Variants in HSPA4 observed in about 807,000 individuals in gnomAD.
HSPA4 encodes the protein heat shock protein family A (Hsp70) member 4.
A neutral mutation model predicts 106.2 loss-of-function variants in HSPA4; 25 were observed. The ratio of observed to expected loss-of-function variants is 0.24; its 90% CI spans 0.17 to 0.33. The LOEUF is 0.33. HSPA4 is among the 10% of genes least tolerant of loss of function. The probability of loss-of-function intolerance (pLI) is 1.00; values close to 1 mark genes in which losing one functional copy is unlikely to be tolerated. For missense variants in HSPA4, 841 were observed against 996.0 expected (o/e 0.84, Z 2.10); for synonymous variants, 332 against 333.6 (o/e 1.00, Z 0.05).
chr5:133,098,719 C>T (rs68187345), intron 15 of HSPA4, among the ~76,000 whole-genome samples: 9,101 of 152,004 alleles, frequency 0.06, 791 homozygotes, highest in East Asian at 0.29. Flanking sequence ...ATTGCCCAGG[C>T]TGGAGTACAG....
rs1765724268 is a variant in HSPA4, at chr5:133,097,262, A to C, written c.1905A>C (p.Glu635Asp). ...AAATGAGAGACAAGCTTAGTGGTGA[A>C]TATGAGAAGTTTGTGAGTGAAGATG... ...VYEMRDKLSG[E>D]YEKFVSEDDR... is the part of the protein sequence containing the mutation. Residue 635 changes from glutamate (E) to aspartate (D), a missense_variant, in exon 15 of 19, where the codon GAA becomes GAC. Coordinates refer to ENST00000304858, the MANE Select transcript of HSPA4 (RefSeq NM_002154.4). 2 of 1,613,004 alleles carry C rather than the reference A, an allele frequency of 1.2e-6. No individual in the cohort carries two copies. Among genetic ancestry groups the C allele is most frequent in the Non-Finnish European group, 1.7e-6 (2 of 1,179,176 alleles).
intron 8 of HSPA4, 24 bp from the exon 9 acceptor site, chr5:133,088,380 A>G (rs1341697924): frequency 2.7e-6 from 4 of 1,504,294 alleles, no homozygotes; most frequent in South Asian, 1.2e-5. Flanking sequence ...CATTAAAAAA[A>G]TCTGTCTAAT....
At chr5:133,082,209 C>T (rs1765521497) in intron 7 of HSPA4, among the ~76,000 whole-genome samples, 1 of 152,080 alleles carries the variant, frequency 6.6e-6, no homozygotes, top group Non-Finnish European at 1.5e-5. Flanking sequence ...ATGAAATGCC[C>T]CGAATTGGCA....
chr5:133,054,494 G>A (rs1161773466), intron 1 of HSPA4, among the ~76,000 whole-genome samples: 1 of 152,112 alleles, frequency 6.6e-6, no homozygotes, highest in Non-Finnish European at 1.5e-5. Context: ...GTGAGCCACC[G>A]CACCTGGCAC....
intron 1 of HSPA4, among the ~76,000 whole-genome samples, chr5:133,060,394 G>A (rs1765226093): frequency 6.6e-6 from 1 of 150,626 alleles, no homozygotes; most frequent in African/African-American, 2.4e-5. Context: ...GACGGAGTTC[G>A]CTCTGTCGCC....
intron 15 of HSPA4, among the ~76,000 whole-genome samples, chr5:133,098,746 C>G (rs1426085651): frequency 6.6e-6 from 1 of 152,044 alleles, no homozygotes; most frequent in Non-Finnish European, 1.5e-5. Context: ...GATCTTGGCT[C>G]ACTGCAACCT....
intron 1 of HSPA4, among the ~76,000 whole-genome samples, chr5:133,053,405 G>T (rs1765109430): frequency 6.7e-6 from 1 of 148,230 alleles, no homozygotes; most frequent in Non-Finnish European, 1.5e-5. Context: ...GCAGTGGTGC[G>T]ATCTTGGTTC....
At position 133,101,771 on chromosome 5, in the gene HSPA4, C is replaced by G; in HGVS notation, c.2050C>G (p.Pro684Ala). The G allele has an allele frequency of 6.2e-7, 1 of 1,610,812 alleles. No individual in the cohort carries two copies. The highest frequency in any genetic ancestry group is 1.1e-5 in the South Asian group (1 of 89,912). The change falls in exon 17 of 19, where the codon CCT (proline) becomes GCT (alanine). Residue 684 changes from proline (P) to alanine (A), a missense_variant. By Grantham distance (27) the Pro-to-Ala change is conservative (BLOSUM62 -1). Transcript: ENST00000304858. ...TTCTTCTGTTAAGAATCTAGGTCAACCTATTAAGATACGTTTCCAGGAATC... is the reference window on the plus strand; with the variant it reads ...TTCTTCTGTTAAGAATCTAGGTCAAGCTATTAAGATACGTTTCCAGGAATC... ...KLAELKNLGQ[P>A]IKIRFQESEE...
intron 3 of HSPA4, 135 bp from the exon 4 acceptor site, chr5:133,070,239 C>CTT (rs113739155): frequency 5.7e-3 from 3,873 of 677,532 alleles, no homozygotes; most frequent in Middle Eastern, 8.6e-3. Flanking sequence ...CGAAAACTAG[C>CTT]TTTTTTTTTT....
Position 133,106,125 on chromosome 5 carries a change from T to TGG in HSPA4, c.*1689_*1690insGG, listed in dbSNP as rs1281039975. The TGG allele has an allele frequency of 9.3e-4, 76 of 81,824 alleles. 2 individuals carry two copies. Among genetic ancestry groups the TGG allele is most frequent in the African/African-American group, 1.7e-3 (27 of 16,020 alleles). The allele number at this position is 81,824 out of a possible 1,614,324, so 5.1% of individuals were successfully genotyped here. On this transcript the variant is annotated 3_prime_UTR_variant, in exon 19 of 19. Coordinates refer to ENST00000304858, the MANE Select transcript of HSPA4 (RefSeq NM_002154.4). ...AAATTTTTTTTTTTTTTTTTTTTTT[T>TGG]TTTTTTTTTTTTTTTGGTGTGTGTG...
intron 17 of HSPA4, among the ~76,000 whole-genome samples, chr5:133,102,700 TTGAA>T (rs1355431321): frequency 2.0e-5 from 3 of 152,098 alleles, no homozygotes; most frequent in Non-Finnish European, 4.4e-5. Flanking sequence ...GTAAGAAACT[TTGAA>T]TGATAAATTG....
chr5:133,070,461 G>A lies in HSPA4; in HGVS notation c.394G>A (p.Val132Ile), dbSNP rs141065839. Reference sequence around the variant, plus strand: ...CAAACTGAAGGAGACAGCCGAAAGTGTTCTTAAGAAGCCTGTAGTTGACTG... The same window carrying A: ...CAAACTGAAGGAGACAGCCGAAAGTATTCTTAAGAAGCCTGTAGTTGACTG... ...LSKLKETAES[V>I]LKKPVVDCVV... The change falls in exon 4 of 19, where the codon GTT becomes ATT. Residue 132 changes from valine to isoleucine, a missense_variant. Val to Ile is a conservative substitution (Grantham distance 29). Transcript: ENST00000304858. 2.2e-4 allele frequency: 357 copies of A among 1,613,818 alleles called. 2 individuals are homozygous for A. The African/African-American group carries it at 4.5e-3, about 20-fold the overall frequency.
In HSPA4 at chr5:133,064,863, A is replaced by G. The variant is rs77097989; in HGVS notation, c.108-117A>G. The G allele has an allele frequency of 5.4e-3, 4,891 of 901,832 alleles. 99 individuals carry two copies. Among genetic ancestry groups the G allele is most frequent in the East Asian group, 0.025 (1,039 of 41,188 alleles). 55.9% of individuals were successfully genotyped at this position (901,832 alleles called of 1,614,324 possible). A position where few individuals can be genotyped will look rare whatever the true frequency, so the allele number is the denominator to read the frequency against. On this transcript the variant is annotated intron_variant, in intron 1 of 18. Coordinates refer to ENST00000304858, the MANE Select transcript of HSPA4 (RefSeq NM_002154.4). ...TACTCAATAGAAAGGTCAAAATCAT[A>G]GATTTGTACCATTAAAATATATGGC...
intron 17 of HSPA4, among the ~76,000 whole-genome samples, chr5:133,102,724 G>A (rs1032853913): frequency 2.0e-5 from 3 of 151,870 alleles, no homozygotes; most frequent in Non-Finnish European, 4.4e-5. Flanking sequence ...GAGCTTTTGT[G>A]GGTTTTTGTT....
At chr5:133,103,806 G>A in intron 17 of HSPA4, 59 bp from the exon 18 acceptor site, 1 of 1,413,190 alleles carries the variant, frequency 7.1e-7, no homozygotes, top group African/African-American at 1.4e-5. Context: ...CTAGACAGTA[G>A]TTGCGGGGAG....
rs554073827 is a variant in HSPA4, at chr5:133,072,633, G to A, written c.430-597G>A. 5.4e-5 allele frequency among the ~76,000 whole-genome samples: 8 copies of A among 149,012 alleles called. No individual in the cohort carries two copies. The South Asian group carries it at 6.4e-4, about 12-fold the overall frequency. On this transcript the variant is annotated intron_variant, in intron 4 of 18. Coordinates refer to ENST00000304858, the MANE Select transcript of HSPA4 (RefSeq NM_002154.4). ...TGTTGGCCAGGCTGGTCTCAAACTC[G>A]TGACATCAGGTGATCCACCCACCAC...
intron 15 of HSPA4, among the ~76,000 whole-genome samples, chr5:133,098,188 T>G (rs191824673): frequency 7.9e-5 from 12 of 152,344 alleles, no homozygotes; most frequent in Admixed American, 7.2e-4. Flanking sequence ...CCAAGTTACT[T>G]CACTTAGAAT....
intron 9 of HSPA4, 59 bp downstream of exon 9, chr5:133,088,614 G>A: frequency 7.0e-7 from 1 of 1,431,468 alleles, no homozygotes; most frequent in Non-Finnish European, 9.8e-7. Flanking sequence ...AGATGGCAGT[G>A]GTTTATGTAT....
intron 10 of HSPA4, 135 bp from the exon 11 acceptor site, chr5:133,089,427 T>C (rs1765617242): frequency 5.1e-6 from 4 of 778,532 alleles, no homozygotes; most frequent in Non-Finnish European, 7.9e-6. Context: ...TCTTGGGAAC[T>C]CTTATAATCT....
Sources: allele counts gnomAD v4.1 joint callset (sites outside exome capture counted in the v4.1 genomes callset), GRCh38; gene constraint gnomAD v4.1.1; transcripts MANE v1.5; gene names NCBI Gene and HGNC (gene_info 2026-07-23, HGNC 2026-07-21).